TRPC3: variants seen among roughly 807,000 people sequenced by gnomAD.
TRPC3 encodes transient receptor potential cation channel subfamily C member 3.
TRPC3 carries 54 observed loss-of-function variants against 90.9 expected under a neutral mutation model. The observed-to-expected ratio is 0.59, with a 90% CI of 0.48 to 0.75. The LOEUF (loss-of-function observed/expected upper bound fraction) is 0.75, where lower values mean the gene tolerates loss of function less well. Among genes scored for constraint, TRPC3 ranks in the 30% least tolerant of loss-of-function variants. The pLI is 0.00. For synonymous variants in TRPC3, 424 were observed against 450.9 expected, an observed-to-expected ratio of 0.94 and a Z score of 0.75; for missense variants, 918 against 1,194.5, an observed-to-expected ratio of 0.77 and a Z score of 3.41.
Position 121,948,819 on chromosome 4 carries a change from G to C in TRPC3, c.215+2647C>G, listed in dbSNP as rs79457395. Among the ~76,000 whole-genome samples the C allele has an allele frequency of 5.9e-3, 885 of 149,794 alleles. 6 individuals carry two copies. Among genetic ancestry groups the C allele is most frequent in the African/African-American group, 0.021 (845 of 40,912 alleles). ...TGTTGTCCTTCTCTTCTTCGCACTT[G>C]ACCCTTTATAACTCTTTGCGGTTTT... On this transcript the variant is annotated intron_variant, in intron 1 of 11. Coordinates refer to ENST00000379645, the MANE Select transcript of TRPC3 (RefSeq NM_001130698.2).
intron 2 of TRPC3, among the ~76,000 whole-genome samples, chr4:121,926,411 CTT>C (rs71599161): frequency 1.5e-3 from 211 of 144,542 alleles, no homozygotes; most frequent in Admixed American, 1.4e-3. Context: ...TTTTTGTTTT[CTT>C]TTTTTTTTTT....
At chr4:121,907,613 T>C (rs200377323) in intron 6 of TRPC3, 46 bp from the exon 7 acceptor site, 43 of 1,564,080 alleles carry the variant, frequency 2.7e-5, no homozygotes, top group Middle Eastern at 4.0e-4. Flanking sequence ...TTTCTATTCA[T>C]TGCCAACTAC....
intron 7 of TRPC3, among the ~76,000 whole-genome samples, chr4:121,906,685 T>C (rs1728894623): frequency 6.6e-6 from 1 of 152,032 alleles, no homozygotes; most frequent in South Asian, 2.1e-4. Context: ...AGGGGGGCCC[T>C]ATATTCATGA....
At chr4:121,886,731 A>G (rs1016614608) in intron 10 of TRPC3, among the ~76,000 whole-genome samples, 2 of 151,788 alleles carry the variant, frequency 1.3e-5, no homozygotes, top group Admixed American at 1.3e-4. Context: ...TTGAAGAGGG[A>G]CCTGCAAACC....
At chr4:121,916,707 T>C (rs1383567641) in intron 3 of TRPC3, among the ~76,000 whole-genome samples, 1 of 146,956 alleles carries the variant, frequency 6.8e-6, no homozygotes, top group Non-Finnish European at 1.5e-5. Flanking sequence ...CCTCCAGAAC[T>C]GTAAGAAATA....
Position 121,951,544 on chromosome 4 carries a change from C to A in TRPC3, c.137G>T (p.Gly46Val), listed in dbSNP as rs1309387876. 2.8e-6 allele frequency: 4 copies of A among 1,422,460 alleles called. No homozygotes were observed. In the African/African-American group the frequency reaches 4.5e-5, roughly 16 times the overall value. The allele number at this position is 1,422,460 out of a possible 1,614,324, so 88.1% of individuals were successfully genotyped here. A position where few individuals can be genotyped will look rare whatever the true frequency, so the allele number is the denominator to read the frequency against. ...RRRGWRGVNG[G>V]LEPRSAPSQR... ...CGAGGGCGCCGAGCGCGGCTCCAGC[C>A]CCCCGTTGACGCCCCTCCAGCCCCG... The change falls in exon 1 of 12, where the codon GGG (glycine) becomes GTG (valine). Residue 46 changes from glycine to valine, a missense_variant. Physicochemically the swap from Gly to Val is moderately radical, Grantham distance 109. Around this residue, in one of 4 missense-constraint regions of TRPC3, gnomAD observed 609 missense variants for 725.9 expected, o/e 0.84. Coordinates refer to ENST00000379645, the MANE Select transcript of TRPC3 (RefSeq NM_001130698.2). The surrounding 1 kb of genome is among the most constrained non-coding windows in gnomAD (Gnocchi z 4.4).
chr4:121,948,376 T>TCC (rs200236565), intron 1 of TRPC3, among the ~76,000 whole-genome samples: 2 of 138,900 alleles, frequency 1.4e-5, no homozygotes, highest in African/African-American at 5.6e-5. Flanking sequence ...TTTTTTTTTT[T>TCC]TCCCTCAATT....
At chr4:121,927,588 AATTT>A in intron 2 of TRPC3, among the ~76,000 whole-genome samples, 1 of 152,318 alleles carries the variant, frequency 6.6e-6, no homozygotes, top group South Asian at 2.1e-4. Context: ...GAAAAATTTC[AATTT>A]TTTTCCTTTA....
intron 3 of TRPC3, among the ~76,000 whole-genome samples, chr4:121,915,455 T>C (rs1002901481): frequency 6.6e-6 from 1 of 152,226 alleles, no homozygotes; most frequent in Non-Finnish European, 1.5e-5. Flanking sequence ...GTACTATTAC[T>C]GCAAATCTGT....
intron 7 of TRPC3, among the ~76,000 whole-genome samples, chr4:121,905,704 A>G (rs768276238): frequency 5.3e-5 from 8 of 152,142 alleles, no homozygotes; most frequent in Non-Finnish European, 8.8e-5. Flanking sequence ...ATAACAATGA[A>G]TTTTATAGAT....
chr4:121,907,454 A>G lies in TRPC3; in HGVS notation c.1906T>C (p.Phe636Leu), dbSNP rs375144966. Reference protein sequence around the residue: ...IAYILPANESFGPLQISLGRT... With the variant: ...IAYILPANESLGPLQISLGRT... ...CCAAGAGAGATCTGCAGGGGGCCAA[A>G]GCTCTCATTTGCAGGGAGGATGTAC... is the stretch of plus-strand genomic sequence containing the variant. Residue 636 changes from phenylalanine to leucine, a missense_variant, in exon 7 of 12, where the codon TTT (phenylalanine) becomes CTT (leucine). Phe to Leu is a conservative substitution (Grantham distance 22). This residue lies in a region of TRPC3 where 147 missense variants were observed against 263.5 expected (regional missense o/e 0.56). Transcript: ENST00000379645. 5.0e-6 allele frequency: 8 copies of G among 1,613,376 alleles called. No individual in the cohort carries two copies. In the African/African-American group the frequency reaches 1.1e-4, roughly 22 times the overall value.
intron 10 of TRPC3, among the ~76,000 whole-genome samples, chr4:121,894,081 G>A (rs1027504818): frequency 1.3e-4 from 20 of 152,194 alleles, no homozygotes; most frequent in African/African-American, 4.8e-4. Flanking sequence ...CCATGTATTT[G>A]TTCATGATTG....
chr4:121,918,844 CA>C (rs1729408070), intron 3 of TRPC3, among the ~76,000 whole-genome samples: 1 of 152,158 alleles, frequency 6.6e-6, no homozygotes, highest in African/African-American at 2.4e-5. Context: ...CAAGTGAAGG[CA>C]AAAAAGCTAA....
At chr4:121,944,098 C>T (rs1291075154) in intron 1 of TRPC3, among the ~76,000 whole-genome samples, 1 of 152,020 alleles carries the variant, frequency 6.6e-6, no homozygotes, top group Admixed American at 6.5e-5. Flanking sequence ...TGTATGGGGC[C>T]AGACTCCTAT....
In TRPC3 at chr4:121,932,799, C is replaced by G. The variant is rs1578649803; in HGVS notation, c.459G>C (p.Leu153=). Residue 153 remains leucine (L), a synonymous_variant, in exon 2 of 12, where the codon CTG becomes CTC. Transcript: ENST00000379645. This position sits in a 1 kb window ranked among gnomAD's most constrained non-coding sequence, Gnocchi z 7.7. ...CCTCCAGGTGCTCGTTGCCCACAGCCAGCTGCAGCGCGTTCTGGCCCATGT... is the reference window on the plus strand; with the variant it reads ...CCTCCAGGTGCTCGTTGCCCACAGCGAGCTGCAGCGCGTTCTGGCCCATGT... ...VDYMGQNALQ[L]AVGNEHLEVT... is the part of the protein sequence containing the mutation. 6.2e-7 allele frequency: 1 copy of G among 1,610,732 alleles called. No homozygotes were observed. Among genetic ancestry groups the G allele is most frequent in the Non-Finnish European group, 8.5e-7 (1 of 1,177,624 alleles).
chr4:121,904,293 T>C (rs749618281), intron 8 of TRPC3, 29 bp downstream of exon 8: 15 of 1,577,682 alleles, frequency 9.5e-6, no homozygotes, highest in Non-Finnish European at 1.2e-5. Context: ...ATGACAAGGA[T>C]AGATACTATG....
At position 121,879,029 on chromosome 4, in the gene TRPC3, T is replaced by C. The variant is rs984008702; in HGVS notation, c.*707A>G. ...TCTAAGACAGAAAGCAAGCAGTCTA[T>C]ATTTTAGAAAAATCTTTAATGTGTT... On this transcript the variant is annotated 3_prime_UTR_variant, in exon 12 of 12. Coordinates refer to ENST00000379645, the MANE Select transcript of TRPC3 (RefSeq NM_001130698.2). 3 of 152,226 alleles carry C rather than the reference T, an allele frequency of 2.0e-5. No individual in the cohort carries two copies. The highest frequency in any genetic ancestry group is 6.5e-5 in the Admixed American group (1 of 15,284). 9.4% of individuals were successfully genotyped at this position (152,226 alleles called of 1,614,324 possible).
chr4:121,888,721 G>A (rs995734723), intron 10 of TRPC3, among the ~76,000 whole-genome samples: 2 of 151,912 alleles, frequency 1.3e-5, no homozygotes, highest in African/African-American at 4.8e-5. Flanking sequence ...AGTTTTAAAG[G>A]TAAGTCTTAC....
intron 4 of TRPC3, among the ~76,000 whole-genome samples, chr4:121,913,847 C>T (rs995314376): frequency 3.3e-5 from 5 of 152,210 alleles, no homozygotes; most frequent in Non-Finnish European, 5.9e-5. Context: ...TGAATATTCT[C>T]ACACATATAT....
Sources: gnomAD v4.1 joint callset for allele counts (sites outside exome capture counted in the v4.1 genomes callset) on GRCh38, gnomAD v4.1.1 for gene constraint, gnomAD v4.1.1 regional missense constraint, Gnocchi (gnomAD v3.1) non-coding constraint, MANE v1.5 for transcripts, NCBI Gene and HGNC (gene_info 2026-07-23, HGNC 2026-07-21) for gene names.